Variants in PCDHA12 observed in about 807,000 individuals in gnomAD.
PCDHA12 encodes protocadherin alpha 12, also known as protocadherin alpha-12.
Under a neutral mutation model 60.0 loss-of-function variants are expected in PCDHA12, and 44 were observed. That is an observed-to-expected ratio of 0.73 (90% CI 0.58 to 0.94). PCDHA12 has a LOEUF of 0.94. Ranked by LOEUF, PCDHA12 falls within the 40% of genes least tolerant of loss-of-function variation. The pLI is 0.00. For missense variants in PCDHA12, 1,276 were observed against 1,239.7 expected, an observed-to-expected ratio of 1.03 and a Z score of -0.44; for synonymous variants, 569 against 553.0, an observed-to-expected ratio of 1.03 and a Z score of -0.40.
At chr5:140,975,520 T>G (rs2153807475) in intron 1 of PCDHA12, among the ~76,000 whole-genome samples, 1 of 152,342 alleles carries the variant, frequency 6.6e-6, no homozygotes, top group East Asian at 1.9e-4. Flanking sequence ...AAATCTGCAG[T>G]GGATATATTC....
At chr5:140,960,629 A>C (rs1370416431) in intron 1 of PCDHA12, among the ~76,000 whole-genome samples, 1 of 152,192 alleles carries the variant, frequency 6.6e-6, no homozygotes, top group Admixed American at 6.5e-5. Flanking sequence ...TTTGAAATAT[A>C]TTTTTAAAAC....
intron 1 of PCDHA12, chr5:140,966,544 G>C: frequency 2.1e-6 from 1 of 465,718 alleles, no homozygotes; most frequent in Non-Finnish European, 3.7e-6. Flanking sequence ...GCGACTCGGA[G>C]GCGAGCGGAG....
At chr5:140,935,080 C>T (rs1163743447) in intron 1 of PCDHA12, among the ~76,000 whole-genome samples, 1 of 152,076 alleles carries the variant, frequency 6.6e-6, no homozygotes, top group Non-Finnish European at 1.5e-5. Flanking sequence ...TGTACATTTC[C>T]TTTCCCAGAA....
At chr5:140,887,357 A>G (rs112910602) in intron 1 of PCDHA12, among the ~76,000 whole-genome samples, 1 of 152,032 alleles carries the variant, frequency 6.6e-6, no homozygotes, top group Non-Finnish European at 1.5e-5. Flanking sequence ...CGGCCTCCCA[A>G]AGTGCTGGGA....
intron 1 of PCDHA12, among the ~76,000 whole-genome samples, chr5:140,940,028 G>C (rs782276273): frequency 3.2e-4 from 48 of 152,048 alleles, no homozygotes; most frequent in Non-Finnish European, 5.4e-4. Context: ...ATGTTTTAAG[G>C]CTATTTTATT....
At chr5:140,928,809 GGACCATGGA>G (rs1563109708) in intron 1 of PCDHA12, 1 of 1,614,078 alleles carries the variant, frequency 6.2e-7, no homozygotes, top group Non-Finnish European at 8.5e-7. Flanking sequence ...TAGTGGTTCG[GGACCATGGA>G]GACCCACCAC....
chr5:140,908,490 G>T (rs149646315), intron 1 of PCDHA12, among the ~76,000 whole-genome samples: 3,582 of 152,250 alleles, frequency 0.024, 49 homozygotes, highest in Middle Eastern at 0.034. Flanking sequence ...GGCAGTTCAG[G>T]TTGCTTGGTG....
chr5:140,911,187 G>A (rs911666410), intron 1 of PCDHA12, among the ~76,000 whole-genome samples: 1 of 152,102 alleles, frequency 6.6e-6, no homozygotes, highest in Non-Finnish European at 1.5e-5. Context: ...TGTGGGTTGG[G>A]GAGGACATGT....
intron 1 of PCDHA12, among the ~76,000 whole-genome samples, chr5:140,903,535 G>A (rs1311718035): frequency 3.3e-5 from 5 of 152,178 alleles, no homozygotes; most frequent in African/African-American, 1.2e-4. Flanking sequence ...CTTTAAACTA[G>A]AGCAAGAAAC....
At position 140,968,564 on chromosome 5, in the gene PCDHA12, G is replaced by A. The variant is rs565573880; in HGVS notation, c.2368-10385G>A. ...CGAGATGGTGCCTCGAACTGCCCCT[G>A]CTGGCTACCTGGTCACCAAAGTCAT... On this transcript the variant is annotated intron_variant, in intron 1 of 3. Coordinates refer to ENST00000398631, the MANE Select transcript of PCDHA12 (RefSeq NM_018903.4). 3.1e-6 allele frequency: 5 copies of A among 1,614,168 alleles called. No homozygotes were observed. The Admixed American group carries it at 8.3e-5, about 27-fold the overall frequency.
intron 1 of PCDHA12, among the ~76,000 whole-genome samples, chr5:140,937,282 C>T (rs2091446146): frequency 6.6e-6 from 1 of 152,060 alleles, no homozygotes; most frequent in Admixed American, 6.6e-5. Context: ...CGTGATTCAC[C>T]CGCTTCGGCC....
At chr5:140,884,532 G>A in intron 1 of PCDHA12, 2 of 1,614,042 alleles carry the variant, frequency 1.2e-6, no homozygotes, top group South Asian at 2.2e-5. Flanking sequence ...CAGCAGAGGC[G>A]GCCGAGGGTG....
intron 1 of PCDHA12, chr5:140,968,207 A>C: frequency 6.2e-7 from 1 of 1,614,000 alleles, no homozygotes; most frequent in Non-Finnish European, 8.5e-7. Context: ...CATACAGGAG[A>C]ACAATTTGCC....
At position 140,947,211 on chromosome 5, in the gene PCDHA12, T is replaced by A. The variant is rs562676640; in HGVS notation, c.2368-31738T>A. Among the ~76,000 whole-genome samples, 51 of 151,298 alleles carry A rather than the reference T, an allele frequency of 3.4e-4. 1 individual carries two copies. In the South Asian group the frequency reaches 0.011, roughly 32 times the overall value. On this transcript the variant is annotated intron_variant, in intron 1 of 3. Transcript: ENST00000398631. ...ACTACACAGCCTTAAAAAAAGAAAA[T>A]CCTGTCATTTATGACAGGAAAAAAA...
chr5:140,896,276 G>A (rs1368035002), intron 1 of PCDHA12, among the ~76,000 whole-genome samples: 1 of 152,176 alleles, frequency 6.6e-6, no homozygotes, highest in Non-Finnish European at 1.5e-5. Context: ...GGATTTGCTG[G>A]CTTGAATGGT....
intron 1 of PCDHA12, among the ~76,000 whole-genome samples, chr5:140,952,297 C>G (rs2094716383): frequency 6.7e-6 from 1 of 149,532 alleles, no homozygotes; most frequent in South Asian, 2.1e-4. Context: ...TTCTCACAGC[C>G]ATTTCACTCC....
intron 1 of PCDHA12, among the ~76,000 whole-genome samples, chr5:140,961,915 G>A (rs1393178053): frequency 2.0e-5 from 3 of 147,010 alleles, no homozygotes; most frequent in East Asian, 4.0e-4. Context: ...ATGGAGTCTC[G>A]CTCTGTTGCC....
intron 1 of PCDHA12, among the ~76,000 whole-genome samples, chr5:140,943,257 CAAAAAAAAAAA>C (rs1238620023): frequency 1.3e-5 from 1 of 77,574 alleles, no homozygotes. Flanking sequence ...GACTCTGTCT[CAAAAAAAAAAA>C]AAAAAAAAAG....
rs528840085 is a variant in PCDHA12 at position 140,876,225 on chromosome 5, GT to G, written c.754del (p.Ser252LeufsTer10). 8.8e-5 allele frequency: 142 copies of G among 1,613,982 alleles called. No homozygotes were observed. The African/African-American group carries it at 1.7e-3, about 20-fold the overall frequency. The stretch of plus-strand genomic sequence containing the variant: ...ATAAGCCCAGCTATAAAGTAGTGTT[GT>G]CTGAAAATGTCCAAAACGACACAAG... ...FDKPSYKVVL[S>X]ENVQNDTRVI... On this transcript the variant is annotated frameshift_variant, in exon 1 of 4. Coordinates refer to ENST00000398631, the MANE Select transcript of PCDHA12 (RefSeq NM_018903.4). LOFTEE classifies it high-confidence loss of function.
Sources: allele counts gnomAD v4.1 joint callset (sites outside exome capture counted in the v4.1 genomes callset), GRCh38; gene constraint gnomAD v4.1.1; transcripts MANE v1.5; gene names NCBI Gene and HGNC (gene_info 2026-07-23, HGNC 2026-07-21).